Variants in AFAP1L2 observed in about 807,000 individuals in gnomAD.
AFAP1L2 encodes actin filament-associated protein 1-like 2.
In AFAP1L2, 46 loss-of-function variants were observed where a neutral mutation model predicts 99.3. The observed-to-expected ratio is 0.46, with a 90% CI of 0.37 to 0.59. The LOEUF (loss-of-function observed/expected upper bound fraction) is 0.59, where lower values mean the gene tolerates loss of function less well. Ranked by LOEUF, AFAP1L2 falls within the 20% of genes least tolerant of loss-of-function variation. The pLI is 0.00. For synonymous variants in AFAP1L2, 397 were observed against 419.1 expected, an observed-to-expected ratio of 0.95 and a Z score of 0.64; for missense variants, 959 against 1,034.9, an observed-to-expected ratio of 0.93 and a Z score of 1.01.
chr10:114,351,234 CT>C (rs1291114646), intron 1 of AFAP1L2, among the ~76,000 whole-genome samples: 3 of 152,178 alleles, frequency 2.0e-5, no homozygotes, highest in Non-Finnish European at 4.4e-5. Context: ...ATAGCCTCCC[CT>C]GTTCCTCAAC....
At chr10:114,319,758 C>T in intron 5 of AFAP1L2, 3 of 665,178 alleles carry the variant, frequency 4.5e-6, no homozygotes, top group Non-Finnish European at 6.8e-6. Flanking sequence ...GGCAACTCGG[C>T]TGCCAGTCCA....
At chr10:114,301,816 C>T (rs1443778284) in intron 12 of AFAP1L2, 2 of 325,004 alleles carry the variant, frequency 6.2e-6, no homozygotes, top group Non-Finnish European at 1.2e-5. Flanking sequence ...TCACAATACA[C>T]TTGGGGTGGC....
intron 1 of AFAP1L2, among the ~76,000 whole-genome samples, chr10:114,384,893 T>C (rs2056297731): frequency 6.6e-6 from 1 of 152,080 alleles, no homozygotes; most frequent in African/African-American, 2.4e-5. Flanking sequence ...CAACAGAACC[T>C]CTTGGGAATG....
chr10:114,318,508 G>T (rs1486949338), intron 5 of AFAP1L2, among the ~76,000 whole-genome samples: 1 of 152,094 alleles, frequency 6.6e-6, no homozygotes, highest in Non-Finnish European at 1.5e-5. Flanking sequence ...GGAGGCCAAG[G>T]CGGGTGGATC....
chr10:114,347,351 G>A lies in AFAP1L2; in HGVS notation c.17-6620C>T, dbSNP rs772837770. ...TACACTCCTCACACCACCTAAGAAG[G>A]GTGACCTCAGAGCAAATGCCCCTTG... On this transcript the variant is annotated intron_variant, in intron 1 of 18. Transcript: ENST00000304129. Among the ~76,000 whole-genome samples the A allele has an allele frequency of 2.6e-5, 4 of 152,144 alleles. No homozygotes were observed. In the East Asian group the frequency reaches 7.7e-4, roughly 29 times the overall value.
At chr10:114,284,713 C>A in the AFAP1L2 span, 1 of 716,200 alleles carries the variant, frequency 1.4e-6, no homozygotes, top group Non-Finnish European at 2.3e-6. Flanking sequence ...GCTTTCCCCT[C>A]TCTGCTGCAG....
At chr10:114,319,675 GGAAGA>G in intron 5 of AFAP1L2, 1 of 1,279,518 alleles carries the variant, frequency 7.8e-7, no homozygotes, top group Non-Finnish European at 1.0e-6. Context: ...ACAGACAGAG[GGAAGA>G]GAAGAGAGAC....
At chr10:114,360,742 AC>A (rs1336675942) in intron 1 of AFAP1L2, among the ~76,000 whole-genome samples, 2 of 152,208 alleles carry the variant, frequency 1.3e-5, no homozygotes, top group Non-Finnish European at 2.9e-5. Flanking sequence ...TTATTCTGAA[AC>A]CTAAAACTTC....
At position 114,295,226 on chromosome 10, in the gene AFAP1L2, G is replaced by A. The variant is rs998030632; in HGVS notation, c.*816C>T. ...ATGGCCTGACCACAGCAATGAATCT[G>A]TAAACACAGAGTAATATTTTTCCTA... On this transcript the variant is annotated 3_prime_UTR_variant, in exon 19 of 19. Transcript: ENST00000304129. 5 of 985,590 alleles carry A rather than the reference G, an allele frequency of 5.1e-6. No homozygotes were observed. Among genetic ancestry groups the A allele is most frequent in the Non-Finnish European group, 6.0e-6 (5 of 829,868 alleles). 61.1% of individuals were successfully genotyped at this position (985,590 alleles called of 1,614,324 possible).
At chr10:114,328,085 GT>G (rs1490215297) in intron 4 of AFAP1L2, among the ~76,000 whole-genome samples, 1 of 152,224 alleles carries the variant, frequency 6.6e-6, no homozygotes, top group Non-Finnish European at 1.5e-5. Flanking sequence ...ACAAACATCT[GT>G]TTCTCCTGCA....
At chr10:114,289,584 C>T in the AFAP1L2 span, 1 of 1,438,240 alleles carries the variant, frequency 7.0e-7, no homozygotes, top group South Asian at 1.2e-5. Context: ...CAGCTCTTCC[C>T]AGCTACTGAG....
intron 1 of AFAP1L2, among the ~76,000 whole-genome samples, chr10:114,379,498 G>A (rs1379816014): frequency 6.6e-6 from 1 of 152,154 alleles, no homozygotes; most frequent in Non-Finnish European, 1.5e-5. Flanking sequence ...ACCACCAGAT[G>A]GAATAGTTAA....
intron 1 of AFAP1L2, among the ~76,000 whole-genome samples, chr10:114,346,256 C>T (rs1166683329): frequency 1.3e-5 from 2 of 152,176 alleles, no homozygotes; most frequent in Non-Finnish European, 2.9e-5. Flanking sequence ...CTGTGACCAG[C>T]GGCACTCAGC....
At chr10:114,400,379 A>G (rs1174768067) in intron 1 of AFAP1L2, among the ~76,000 whole-genome samples, 1 of 152,132 alleles carries the variant, frequency 6.6e-6, no homozygotes, top group Non-Finnish European at 1.5e-5. Context: ...GTTTCAGACC[A>G]TTTCATTGCC....
chr10:114,385,679 C>T (rs2056410104), intron 1 of AFAP1L2, among the ~76,000 whole-genome samples: 1 of 152,130 alleles, frequency 6.6e-6, no homozygotes, highest in Admixed American at 6.5e-5. Context: ...TTCTGCCAGC[C>T]TGTAATAAAA....
At chr10:114,344,653 G>A (rs1221465015) in intron 1 of AFAP1L2, among the ~76,000 whole-genome samples, 4 of 152,176 alleles carry the variant, frequency 2.6e-5, no homozygotes, top group African/African-American at 9.7e-5. Context: ...GTGAACCCAG[G>A]GTGAGAAGAG....
At position 114,302,322 on chromosome 10, in the gene AFAP1L2, G is replaced by A; in HGVS notation, c.1430+17C>T. On this transcript the variant is annotated intron_variant, in intron 12 of 18. Transcript: ENST00000304129. ...AGGAATAAGAGAGTGTACGGAGGAA[G>A]GGTCCAAATTACTCACAAGAGAGAG... is the stretch of plus-strand genomic sequence containing the variant. The A allele has an allele frequency of 6.2e-7, 1 of 1,614,058 alleles. No individual in the cohort carries two copies. Among genetic ancestry groups the A allele is most frequent in the Non-Finnish European group, 8.5e-7 (1 of 1,179,964 alleles).
At chr10:114,315,389 C>A (rs756148229) in intron 6 of AFAP1L2, among the ~76,000 whole-genome samples, 171 bp downstream of exon 6, 1 of 152,202 alleles carries the variant, frequency 6.6e-6, no homozygotes, top group Admixed American at 6.5e-5. Context: ...TACATTCATC[C>A]ATACACACAA....
intron 1 of AFAP1L2, among the ~76,000 whole-genome samples, chr10:114,388,533 C>T (rs562823503): frequency 2.6e-5 from 4 of 152,298 alleles, no homozygotes; most frequent in East Asian, 1.9e-4. Flanking sequence ...TGTTTTAGAA[C>T]GGTGCTTGCA....
Sources: gnomAD v4.1 joint callset for allele counts (sites outside exome capture counted in the v4.1 genomes callset) on GRCh38, gnomAD v4.1.1 for gene constraint, MANE v1.5 for transcripts, NCBI Gene and HGNC (gene_info 2026-07-23, HGNC 2026-07-21) for gene names.